The following ZFAND6 variants were observed in gnomAD, a reference collection of about 807,000 sequenced individuals.
ZFAND6 encodes the protein AN1-type zinc finger protein 6.
ZFAND6 carries 12 observed loss-of-function variants against 24.5 expected under a neutral mutation model. The ratio of observed to expected loss-of-function variants is 0.49; its 90% CI spans 0.31 to 0.79. ZFAND6 has a LOEUF of 0.79. ZFAND6 is among the 30% of genes least tolerant of loss of function. The probability of loss-of-function intolerance (pLI) is 0.04; values close to 1 mark genes in which losing one functional copy is unlikely to be tolerated. For missense variants in ZFAND6, 207 were observed against 245.9 expected, an observed-to-expected ratio of 0.84 and a Z score of 1.06; for synonymous variants, 92 against 81.5, an observed-to-expected ratio of 1.13 and a Z score of -0.69.
intron 1 of ZFAND6, among the ~76,000 whole-genome samples, chr15:80,091,160 G>GGTGT (rs61706731): frequency 0.046 from 6,924 of 150,162 alleles, 349 homozygotes; most frequent in East Asian, 0.22. Flanking sequence ...GTTGTTAAGG[G>GGTGT]GTGTGTGTGT....
chr15:80,059,990 G>A (rs189151988), intron 1 of ZFAND6, among the ~76,000 whole-genome samples, 181 bp downstream of exon 1: 3 of 151,274 alleles, frequency 2.0e-5, no homozygotes, highest in East Asian at 2.0e-4. Flanking sequence ...GGCCGCGGGC[G>A]AGAGGGCGAG....
chr15:80,071,537 G>A lies in ZFAND6; in HGVS notation c.-181+11728G>A, dbSNP rs747987712. On this transcript the variant is annotated intron_variant, in intron 1 of 6. Coordinates refer to ENST00000261749, the MANE Select transcript of ZFAND6 (RefSeq NM_019006.4). ...TAATTAAAATATATAAACTTATCAC[G>A]TAAAAATAGCAAACTTAGTAATGTA... is the stretch of plus-strand genomic sequence containing the variant. Among the ~76,000 whole-genome samples, 23 of 151,970 alleles carry A rather than the reference G, an allele frequency of 1.5e-4. No homozygotes were observed. The East Asian group carries it at 2.3e-3, about 15-fold the overall frequency.
chr15:80,103,431 T>A (rs1596269649), intron 2 of ZFAND6, among the ~76,000 whole-genome samples: 1 of 152,316 alleles, frequency 6.6e-6, no homozygotes, highest in Non-Finnish European at 1.5e-5. Flanking sequence ...TTGTGGATAT[T>A]CACTCAGAAC....
intron 2 of ZFAND6, among the ~76,000 whole-genome samples, chr15:80,118,707 A>T (rs2040011452): frequency 6.6e-6 from 1 of 152,134 alleles, no homozygotes; most frequent in African/African-American, 2.4e-5. Flanking sequence ...GCTTGCCAAA[A>T]TCCCAAATTG....
At chr15:80,123,287 C>T (rs774736218) in intron 5 of ZFAND6, among the ~76,000 whole-genome samples, 1 of 152,126 alleles carries the variant, frequency 6.6e-6, no homozygotes, top group African/African-American at 2.4e-5. Flanking sequence ...TCGTGTCTTG[C>T]CCATGCTCTT....
intron 1 of ZFAND6, among the ~76,000 whole-genome samples, chr15:80,093,166 C>T (rs1454663875): frequency 6.6e-6 from 1 of 151,720 alleles, no homozygotes; most frequent in East Asian, 2.0e-4. Flanking sequence ...GGGGTTTCAC[C>T]ATGCTGACCA....
chr15:80,123,052 A>G (rs2040216229), intron 5 of ZFAND6: 1 of 374,554 alleles, frequency 2.7e-6, no homozygotes, highest in African/African-American at 2.1e-5. Flanking sequence ...AATTAAATGA[A>G]TGTGTGGCAG....
chr15:80,076,311 G>T (rs1213353930), intron 1 of ZFAND6, among the ~76,000 whole-genome samples: 1 of 151,880 alleles, frequency 6.6e-6, no homozygotes, highest in Non-Finnish European at 1.5e-5. Flanking sequence ...TTGTCATTCT[G>T]ATTCTTCTTC....
At chr15:80,077,701 T>G (rs187084135) in intron 1 of ZFAND6, among the ~76,000 whole-genome samples, 1 of 142,650 alleles carries the variant, frequency 7.0e-6, no homozygotes, top group Non-Finnish European at 1.5e-5. Flanking sequence ...TTCTTTCTTT[T>G]TTTTTTTTTT....
intron 1 of ZFAND6, among the ~76,000 whole-genome samples, chr15:80,094,998 C>A (rs1226954582): frequency 6.6e-6 from 1 of 152,140 alleles, no homozygotes; most frequent in African/African-American, 2.4e-5. Context: ...GTCTCGAGCT[C>A]CTGACCTCAG....
chr15:80,088,066 G>A (rs1414828445), intron 1 of ZFAND6, among the ~76,000 whole-genome samples: 1 of 152,046 alleles, frequency 6.6e-6, no homozygotes, highest in Non-Finnish European at 1.5e-5. Context: ...TAACTTTTAT[G>A]CAATAATATT....
intron 1 of ZFAND6, among the ~76,000 whole-genome samples, chr15:80,093,048 C>T (rs780186934): frequency 1.3e-5 from 2 of 151,528 alleles, no homozygotes; most frequent in Admixed American, 6.6e-5. Context: ...TCTGCCTCCT[C>T]GGTTCAAGCA....
At chr15:80,080,641 T>C (rs1472317239) in intron 1 of ZFAND6, among the ~76,000 whole-genome samples, 1 of 152,180 alleles carries the variant, frequency 6.6e-6, no homozygotes, top group Admixed American at 6.5e-5. Context: ...ATTCTTGCAT[T>C]ACTATACAGA....
At chr15:80,123,041 T>C (rs2142021521) in intron 5 of ZFAND6, 2 of 399,894 alleles carry the variant, frequency 5.0e-6, no homozygotes, top group Non-Finnish European at 4.5e-6. Flanking sequence ...TTGGAAAATA[T>C]AATTAAATGA....
intron 1 of ZFAND6, among the ~76,000 whole-genome samples, chr15:80,093,041 GCCT>G (rs1270007680): frequency 2.0e-5 from 3 of 150,902 alleles, no homozygotes; most frequent in African/African-American, 7.3e-5. Flanking sequence ...TGCAACCTCT[GCCT>G]CCTCGGTTCA....
At chr15:80,111,324 C>G (rs1158655578) in intron 2 of ZFAND6, 2 of 344,094 alleles carry the variant, frequency 5.8e-6, no homozygotes, top group Non-Finnish European at 1.2e-5. Flanking sequence ...TCCAGGACCC[C>G]CCTCATCCCA....
intron 1 of ZFAND6, among the ~76,000 whole-genome samples, chr15:80,082,993 A>G (rs930641013): frequency 6.6e-6 from 1 of 151,844 alleles, no homozygotes. Flanking sequence ...ATGTTATTTT[A>G]TTTATTTATT....
rs905036694 is a variant in ZFAND6, at chr15:80,101,309, A to G, written c.-18+2731A>G. ...AACCTCCGTCTCTACTAAAGATACA[A>G]AAAATTAGCCGGGCATGGTGGCTGG... On this transcript the variant is annotated intron_variant, in intron 2 of 6. Coordinates refer to ENST00000261749, the MANE Select transcript of ZFAND6 (RefSeq NM_019006.4). Among the ~76,000 whole-genome samples, 6 of 152,256 alleles carry G rather than the reference A, an allele frequency of 3.9e-5. No individual in the cohort carries two copies. The East Asian group carries it at 1.2e-3, about 29-fold the overall frequency.
chr15:80,135,563 AGCTTT>A (rs2040824522), intron 6 of ZFAND6, among the ~76,000 whole-genome samples: 2 of 152,248 alleles, frequency 1.3e-5, no homozygotes, highest in South Asian at 4.1e-4. Flanking sequence ...TTTTGAGCAG[AGCTTT>A]GCTTTAGGAA....
Sources: allele counts gnomAD v4.1 joint callset (sites outside exome capture counted in the v4.1 genomes callset), GRCh38; gene constraint gnomAD v4.1.1; transcripts MANE v1.5; gene names NCBI Gene and HGNC (gene_info 2026-07-23, HGNC 2026-07-21).